The following ITPKB variants were observed in gnomAD, a reference collection of about 807,000 sequenced individuals.
ITPKB encodes inositol-trisphosphate 3-kinase B.
Under a neutral mutation model 69.4 loss-of-function variants are expected in ITPKB, and 13 were observed. The ratio of observed to expected loss-of-function variants is 0.19; its 90% CI spans 0.12 to 0.30. The LOEUF is 0.30. Ranked by LOEUF, ITPKB falls within the 10% of genes least tolerant of loss-of-function variation. The pLI is 1.00. For missense variants in ITPKB, 1,240 were observed against 1,250.5 expected (o/e 0.99, Z 0.13); for synonymous variants, 584 against 513.7 (o/e 1.14, Z -1.85).
At chr1:226,669,397 CAAA>C (rs201330528) in intron 2 of ITPKB, among the ~76,000 whole-genome samples, 1 of 127,838 alleles carries the variant, frequency 7.8e-6, no homozygotes, top group Non-Finnish European at 1.7e-5. Context: ...AACTCTGTCT[CAAA>C]AAAAAAAAAA....
rs1657363972 is a variant in ITPKB, at chr1:226,724,986, T to C, written c.1932+10541A>G. On this transcript the variant is annotated intron_variant, in intron 2 of 7. Transcript: ENST00000429204. ...ACTTCTAACAGAGGGAGCAAATTCC[T>C]CAAGACCTTTACCCCAGACTCCTTC... 2.6e-5 allele frequency among the ~76,000 whole-genome samples: 4 copies of C among 152,322 alleles called. No individual in the cohort carries two copies. In the South Asian group the frequency reaches 8.3e-4, roughly 32 times the overall value.
At chr1:226,729,401 G>A (rs951920238) in intron 2 of ITPKB, among the ~76,000 whole-genome samples, 1 of 146,830 alleles carries the variant, frequency 6.8e-6, no homozygotes, top group African/African-American at 2.5e-5. Context: ...AGAATTGCTT[G>A]AATCCGGGAG....
intron 2 of ITPKB, among the ~76,000 whole-genome samples, chr1:226,658,337 G>A (rs910472806): frequency 1.3e-5 from 2 of 152,174 alleles, no homozygotes; most frequent in Non-Finnish European, 2.9e-5. Context: ...GCCCAGGCAG[G>A]TAGGGGCCCC....
intron 2 of ITPKB, among the ~76,000 whole-genome samples, chr1:226,662,296 T>C (rs990220584): frequency 6.6e-6 from 1 of 152,174 alleles, no homozygotes; most frequent in African/African-American, 2.4e-5. Context: ...AAAACGAAGT[T>C]TTCTGCAGAA....
Position 226,713,069 on chromosome 1 carries a change from CACAT to C in ITPKB, c.1932+22454_1932+22457del, listed in dbSNP as rs370751829. Among the ~76,000 whole-genome samples the C allele has an allele frequency of 9.3e-3, 1,420 of 152,250 alleles. 26 individuals are homozygous for C. Among genetic ancestry groups the C allele is most frequent in the African/African-American group, 0.032 (1,344 of 41,534 alleles). On this transcript the variant is annotated intron_variant, in intron 2 of 7. Transcript: ENST00000429204. The stretch of plus-strand genomic sequence containing the variant: ...CCATATACACACATGCATGCACACA[CACAT>C]ACACACGTGCATATGCGCAAATAAA...
chr1:226,737,454 G>C lies in ITPKB; in HGVS notation c.5C>G (p.Ala2Gly). M[A>G]VYCYALNSLV... ...GCTATTGAGCGCATAGCAGTACACA[G>C]CCATAGTACTGGGTCCCGCGCTGCC... The change falls in exon 2 of 8, where the codon GCT becomes GGT. Residue 2 changes from alanine to glycine, a missense_variant. By Grantham distance (60) the Ala-to-Gly change is moderately conservative. Transcript: ENST00000429204. The C allele has an allele frequency of 6.2e-7, 1 of 1,607,576 alleles. No homozygotes were observed. Among genetic ancestry groups the C allele is most frequent in the East Asian group, 2.3e-5 (1 of 44,160 alleles).
intron 2 of ITPKB, among the ~76,000 whole-genome samples, chr1:226,720,175 A>C (rs1657198479): frequency 6.6e-6 from 1 of 152,220 alleles, no homozygotes; most frequent in East Asian, 1.9e-4. Context: ...GAAAATTTTT[A>C]ACTAGACTAA....
At chr1:226,717,957 CG>C (rs1334648137) in intron 2 of ITPKB, among the ~76,000 whole-genome samples, 2 of 152,202 alleles carry the variant, frequency 1.3e-5, no homozygotes, top group African/African-American at 4.8e-5. Context: ...CAGAAGGAGA[CG>C]GTAAATAAGC....
Position 226,736,970 on chromosome 1 carries a change from C to T in ITPKB, c.489G>A (p.Ala163=). 1 of 1,612,364 alleles carries T rather than the reference C, an allele frequency of 6.2e-7. No individual in the cohort carries two copies. The highest frequency in any genetic ancestry group is 8.5e-7 in the Non-Finnish European group (1 of 1,179,934). The change falls in exon 2 of 8, where the codon GCG becomes GCA. Residue 163 remains alanine (A), a synonymous_variant. Transcript: ENST00000429204. ...CCCTGCCCAAACGCGGGCTGCGGGG[C>T]GCTTGAATGGCGGAGCTCTGTGCCT... ...HIQAQSSAIQ[A]PRSPRLGRAR...
chr1:226,722,973 G>A (rs1432155692), intron 2 of ITPKB, among the ~76,000 whole-genome samples: 2 of 152,078 alleles, frequency 1.3e-5, no homozygotes, highest in African/African-American at 4.8e-5. Flanking sequence ...AAAGGAAGGA[G>A]AGAGTTCCAT....
At chr1:226,714,954 G>C (rs1227114020) in intron 2 of ITPKB, among the ~76,000 whole-genome samples, 1 of 152,198 alleles carries the variant, frequency 6.6e-6, no homozygotes, top group Non-Finnish European at 1.5e-5. Context: ...ACTGACCAGA[G>C]ATACTGCTAA....
chr1:226,678,814 G>GA (rs1655990103), intron 2 of ITPKB, among the ~76,000 whole-genome samples: 1 of 152,232 alleles, frequency 6.6e-6, no homozygotes, highest in Non-Finnish European at 1.5e-5. Flanking sequence ...CTGCTGTCAG[G>GA]AAGGAGGTTT....
chr1:226,723,592 G>T (rs1012585143), intron 2 of ITPKB, among the ~76,000 whole-genome samples: 1 of 151,922 alleles, frequency 6.6e-6, no homozygotes, highest in Non-Finnish European at 1.5e-5. Context: ...TGTATAGAGA[G>T]ATATATATGT....
chr1:226,653,381 A>T (rs1239868791), intron 2 of ITPKB, among the ~76,000 whole-genome samples: 2 of 152,192 alleles, frequency 1.3e-5, no homozygotes, highest in Non-Finnish European at 2.9e-5. Flanking sequence ...CAAGAGCAAG[A>T]TTCCTCCAGG....
rs1202647694 is a variant in ITPKB at position 226,736,129 on chromosome 1, C to T, written c.1330G>A (p.Glu444Lys). Reference sequence around the variant, plus strand: ...AAGCCCAGCGTTGGGGACCCTCCCTCCACTCTGTCGGAGAGCTGCCAACGC... The same window carrying T: ...AAGCCCAGCGTTGGGGACCCTCCCTTCACTCTGTCGGAGAGCTGCCAACGC... ...GGRWQLSDRVEGGSPTLGLLG... is the reference protein window; with the variant it reads ...GGRWQLSDRVKGGSPTLGLLG... The change falls in exon 2 of 8, where the codon GAG becomes AAG. Residue 444 changes from glutamate (E) to lysine (K), a missense_variant. Glu to Lys is a moderately conservative substitution (Grantham distance 56). Around this residue, in one of 2 missense-constraint regions of ITPKB, gnomAD observed 992 missense variants for 853.8 expected, o/e 1.16. Coordinates refer to ENST00000429204, the MANE Select transcript of ITPKB (RefSeq NM_002221.4). The T allele has an allele frequency of 3.8e-6, 6 of 1,590,056 alleles. No homozygotes were observed. Among genetic ancestry groups the T allele is most frequent in the Non-Finnish European group, 4.3e-6 (5 of 1,167,080 alleles).
chr1:226,724,928 C>T (rs1461528239), intron 2 of ITPKB, among the ~76,000 whole-genome samples: 1 of 152,210 alleles, frequency 6.6e-6, no homozygotes, highest in Admixed American at 6.5e-5. Context: ...CCTCCGTGAG[C>T]CTCTGGATCC....
intron 4 of ITPKB, among the ~76,000 whole-genome samples, chr1:226,644,593 C>T (rs1285925852): frequency 8.5e-5 from 13 of 152,216 alleles, no homozygotes; most frequent in South Asian, 4.1e-4. Flanking sequence ...GAGCACATGT[C>T]GGCGGGAGCC....
At chr1:226,701,047 A>C (rs541565682) in intron 2 of ITPKB, among the ~76,000 whole-genome samples, 1 of 152,332 alleles carries the variant, frequency 6.6e-6, no homozygotes, top group Admixed American at 6.5e-5. Flanking sequence ...CGTGGACAAG[A>C]CTTCTCACAA....
At chr1:226,668,617 G>C (rs961567729) in intron 2 of ITPKB, among the ~76,000 whole-genome samples, 1 of 152,178 alleles carries the variant, frequency 6.6e-6, no homozygotes, top group African/African-American at 2.4e-5. Flanking sequence ...GCAATGTCTG[G>C]AATTTACTGT....
Sources: allele counts gnomAD v4.1 joint callset (sites outside exome capture counted in the v4.1 genomes callset), GRCh38; gene constraint gnomAD v4.1.1; regional missense constraint gnomAD v4.1.1; transcripts MANE v1.5; gene names NCBI Gene and HGNC (gene_info 2026-07-23, HGNC 2026-07-21).